Variants in CLCN2 observed in about 807,000 individuals in gnomAD.
CLCN2 encodes the protein chloride channel protein 2.
In CLCN2, 72 loss-of-function variants were observed where a neutral mutation model predicts 108.3. The ratio of observed to expected loss-of-function variants is 0.66; its 90% CI spans 0.55 to 0.81. The LOEUF (loss-of-function observed/expected upper bound fraction) is 0.81. CLCN2 is among the 30% of genes least tolerant of loss of function. The pLI, the probability that CLCN2 is intolerant of heterozygous loss-of-function variation, is 0.00. For missense variants in CLCN2, 1,048 were observed against 1,205.2 expected (o/e 0.87, Z 1.93); for synonymous variants, 471 against 467.1 (o/e 1.01, Z -0.11).
In CLCN2 at chr3:184,361,571, C is replaced by A; in HGVS notation, c.-92G>T. ...GCAAAGTCCGCGCCGGCAGCCGTCC[C>A]GTCCCCGCAGCCCGGGAGGCCGAGA... On this transcript the variant is annotated 5_prime_UTR_variant, in exon 1 of 24. Coordinates refer to ENST00000265593, the MANE Select transcript of CLCN2 (RefSeq NM_004366.6). The surrounding 1 kb of genome is among the most constrained non-coding windows in gnomAD (Gnocchi z 6.6). 7.0e-7 allele frequency: 1 copy of A among 1,437,748 alleles called. No individual in the cohort carries two copies. The highest frequency in any genetic ancestry group is 9.6e-7 in the Non-Finnish European group (1 of 1,045,294). The allele number at this position is 1,437,748 out of a possible 1,614,324, so 89.1% of individuals were successfully genotyped here.
chr3:184,361,471 G>A lies in CLCN2; in HGVS notation c.9C>T (p.Ala3=), dbSNP rs1553857924. Residue 3 remains alanine, a synonymous_variant, in exon 1 of 24, where the codon GCC becomes GCT. Coordinates refer to ENST00000265593, the MANE Select transcript of CLCN2 (RefSeq NM_004366.6). This position sits in a 1 kb window ranked among gnomAD's most constrained non-coding sequence, Gnocchi z 6.6. MA[A]AAAEEGMEPR... ...GCTCCATCCCTTCCTCCGCCGCCGC[G>A]GCCGCCATCTCCGCGCACTGCCCTC... The A allele has an allele frequency of 6.2e-7, 1 of 1,612,244 alleles. No individual in the cohort carries two copies. The highest frequency in any genetic ancestry group is 8.5e-7 in the Non-Finnish European group (1 of 1,179,930).
Position 184,357,051 on chromosome 3 carries a change from G to C in CLCN2, c.1027C>G (p.Arg343Gly). The C allele has an allele frequency of 6.2e-7, 1 of 1,613,784 alleles. No individual in the cohort carries two copies. The highest frequency in any genetic ancestry group is 8.5e-7 in the Non-Finnish European group (1 of 1,179,898). ...TTCCGCATCACCTGGACAATCTTCC[G>C]GTTCAGGTAGACAAAGAGGGCTCCA... ...FGGALFVYLN[R>G]KIVQVMRKQK... Residue 343 changes from arginine to glycine, a missense_variant, in exon 10 of 24, where the codon CGG becomes GGG. Arg to Gly is a moderately radical substitution (Grantham distance 125). Coordinates refer to ENST00000265593, the MANE Select transcript of CLCN2 (RefSeq NM_004366.6).
intron 22 of CLCN2, among the ~76,000 whole-genome samples, chr3:184,351,696 C>T (rs1269379803): frequency 6.6e-6 from 1 of 152,228 alleles, no homozygotes; most frequent in East Asian, 1.9e-4. Flanking sequence ...TGGCCTCCCG[C>T]CTAGCTCTGA....
chr3:184,356,846 CTCAG>C lies in CLCN2; in HGVS notation c.1085+143_1085+146del, dbSNP rs1474063662. 30 of 676,944 alleles carry C rather than the reference CTCAG, an allele frequency of 4.4e-5. No homozygotes were observed. In the Admixed American group the frequency reaches 6.8e-4, roughly 15 times the overall value. 41.9% of individuals were successfully genotyped at this position (676,944 alleles called of 1,614,324 possible). On this transcript the variant is annotated intron_variant, in intron 10 of 23. Coordinates refer to ENST00000265593, the MANE Select transcript of CLCN2 (RefSeq NM_004366.6). Reference sequence around the variant, plus strand: ...GGTAATTCATATGAATATAAAAATGCTCAGTCAGCCTGGAAAACACTGCTGGCTG... The same window carrying C: ...GGTAATTCATATGAATATAAAAATGCTCAGCCTGGAAAACACTGCTGGCTG...
intron 22 of CLCN2, chr3:184,347,460 G>A (rs1253152880): frequency 2.2e-5 from 7 of 318,550 alleles, no homozygotes; most frequent in South Asian, 2.8e-5. Flanking sequence ...TGTTCCAGGC[G>A]GGTCCTCAGG....
In CLCN2 at chr3:184,354,652, G is replaced by T; in HGVS notation, c.1403C>A (p.Ala468Glu). Reference protein sequence around the residue: ...AFMPVFVIGAAFGRLVGESMA... With the variant: ...AFMPVFVIGAEFGRLVGESMA... ...GCTTTCACCCACCAGACGCCCAAAT[G>T]CTGCTCCTTCAGGGAGGGGGGTGGG... The change falls in exon 14 of 24, where the codon GCA (alanine) becomes GAA (glutamate). Residue 468 changes from alanine to glutamate, a missense_variant. Physicochemically the swap from Ala to Glu is moderately radical, Grantham distance 107. Coordinates refer to ENST00000265593, the MANE Select transcript of CLCN2 (RefSeq NM_004366.6). 1 of 1,285,340 alleles carries T rather than the reference G, an allele frequency of 7.8e-7. No homozygotes were observed. Among genetic ancestry groups the T allele is most frequent in the Non-Finnish European group, 1.1e-6 (1 of 940,798 alleles). 79.6% of individuals were successfully genotyped at this position (1,285,340 alleles called of 1,614,324 possible).
At chr3:184,356,731 G>T in intron 10 of CLCN2, 1 of 506,780 alleles carries the variant, frequency 2.0e-6, no homozygotes, top group Non-Finnish European at 3.6e-6. Context: ...ATTCCTATAT[G>T]GGCCAGCCCA....
chr3:184,354,015 A>C, intron 15 of CLCN2, 86 bp downstream of exon 15: 2 of 1,462,304 alleles, frequency 1.4e-6, no homozygotes, highest in Non-Finnish European at 1.9e-6. Flanking sequence ...CGTAGGCTCC[A>C]GGACCTTGCT....
intron 22 of CLCN2, among the ~76,000 whole-genome samples, chr3:184,351,749 C>T (rs1355626494): frequency 3.9e-5 from 6 of 152,206 alleles, no homozygotes; most frequent in African/African-American, 1.4e-4. Flanking sequence ...CAATCCCTGT[C>T]TTTGTTGCTT....
chr3:184,359,206 C>T, intron 1 of CLCN2, 75 bp from the exon 2 acceptor site: 2 of 1,550,246 alleles, frequency 1.3e-6, no homozygotes, highest in Admixed American at 3.3e-5. Flanking sequence ...CTTAGAGCCT[C>T]CACTCCTCTT....
In CLCN2 at chr3:184,354,601, A is replaced by T; in HGVS notation, c.1454T>A (p.Ile485Asn). Residue 485 changes from isoleucine to asparagine, a missense_variant, in exon 14 of 24, where the codon ATT (isoleucine) becomes AAT (asparagine). Physicochemically the swap from Ile to Asn is moderately radical, Grantham distance 149 (BLOSUM62 -3). Coordinates refer to ENST00000265593, the MANE Select transcript of CLCN2 (RefSeq NM_004366.6). ...CCGGTAGGTGCTGCTGTCCGTATGA[A>T]TTCCATCTGGGAACCAGGCAGCCAT... ...ESMAAWFPDG[I>N]HTDSSTYRIV... is the part of the protein sequence containing the mutation. 1.2e-6 allele frequency: 2 copies of T among 1,604,690 alleles called. No homozygotes were observed. Among genetic ancestry groups the T allele is most frequent in the Non-Finnish European group, 1.7e-6 (2 of 1,175,948 alleles).
chr3:184,352,219 A>C, intron 21 of CLCN2, 74 bp downstream of exon 21: 1 of 1,607,700 alleles, frequency 6.2e-7, no homozygotes. Flanking sequence ...GGTCCCTCCC[A>C]TGGGGACAGC....
intron 10 of CLCN2, 75 bp downstream of exon 10, chr3:184,356,918 C>G: frequency 9.7e-7 from 1 of 1,031,108 alleles, no homozygotes; most frequent in Non-Finnish European, 1.5e-6. Flanking sequence ...CATTCTCTCC[C>G]CATCACTGTC....
intron 1 of CLCN2, among the ~76,000 whole-genome samples, chr3:184,360,138 A>C (rs1172144671): frequency 6.6e-6 from 1 of 151,696 alleles, no homozygotes; most frequent in East Asian, 1.9e-4. Flanking sequence ...AGGGGATGAG[A>C]GAGGAAGAAG....
chr3:184,353,463 G>A, intron 16 of CLCN2, 41 bp from the exon 17 acceptor site: 1 of 1,567,704 alleles, frequency 6.4e-7, no homozygotes, highest in East Asian at 2.4e-5. Flanking sequence ...CTGAGAGGGA[G>A]CCCTCCAGCC....
At chr3:184,353,487 A>G in intron 16 of CLCN2, 65 bp from the exon 17 acceptor site, 1 of 1,553,976 alleles carries the variant, frequency 6.4e-7, no homozygotes, top group South Asian at 1.2e-5. Context: ...TCCTTCTCTC[A>G]CACTCAGAGT....
At chr3:184,350,634 A>C (rs1382980359) in intron 22 of CLCN2, among the ~76,000 whole-genome samples, 2 of 151,884 alleles carry the variant, frequency 1.3e-5, no homozygotes, top group Non-Finnish European at 2.9e-5. Flanking sequence ...ATGGAGTTTC[A>C]CCATGTTGGC....
chr3:184,361,551 G>A lies in CLCN2; in HGVS notation c.-72C>T, dbSNP rs1396369430. On this transcript the variant is annotated 5_prime_UTR_variant, in exon 1 of 24. Coordinates refer to ENST00000265593, the MANE Select transcript of CLCN2 (RefSeq NM_004366.6). The surrounding 1 kb of genome is among the most constrained non-coding windows in gnomAD (Gnocchi z 6.6). ...CTGGACTCGGCTCCCGGCCCGCAAA[G>A]TCCGCGCCGGCAGCCGTCCCGTCCC... 122 of 1,546,308 alleles carry A rather than the reference G, an allele frequency of 7.9e-5. No individual in the cohort carries two copies. The highest frequency in any genetic ancestry group is 1.1e-4 in the Non-Finnish European group (120 of 1,134,630).
Position 184,353,292 on chromosome 3 carries a change from A to G in CLCN2, c.1986T>C (p.Asp662=). 1 of 1,613,766 alleles carries G rather than the reference A, an allele frequency of 6.2e-7. No individual in the cohort carries two copies. Among genetic ancestry groups the G allele is most frequent in the Non-Finnish European group, 8.5e-7 (1 of 1,179,998 alleles). ...CCTCAGGGGTAGGGGGACCCTCCTG[A>G]TCAGATAGTGGAGAGGTCTGGGTGG... is the stretch of plus-strand genomic sequence containing the variant. ...RRATQTSPLS[D]QEGPPTPEAS... is the part of the protein sequence containing the mutation. The change falls in exon 17 of 24, where the codon GAT becomes GAC. Residue 662 remains aspartate (D), a synonymous_variant. Coordinates refer to ENST00000265593, the MANE Select transcript of CLCN2 (RefSeq NM_004366.6).
Sources: gnomAD v4.1 joint callset for allele counts (sites outside exome capture counted in the v4.1 genomes callset) on GRCh38, gnomAD v4.1.1 for gene constraint, Gnocchi (gnomAD v3.1) non-coding constraint, MANE v1.5 for transcripts, NCBI Gene and HGNC (gene_info 2026-07-23, HGNC 2026-07-21) for gene names.